The following PRPF18 variants were observed in gnomAD, a reference collection of about 807,000 sequenced individuals.
PRPF18 encodes pre-mRNA processing factor 18.
Under a neutral mutation model 46.5 loss-of-function variants are expected in PRPF18, and 38 were observed. The ratio of observed to expected loss-of-function variants is 0.82; its 90% confidence interval spans 0.63 to 1.07. The LOEUF is 1.07. Among genes scored for constraint, PRPF18 ranks in the 50% least tolerant of loss-of-function variants. The pLI, the probability that PRPF18 is intolerant of heterozygous loss-of-function variation, is 0.00. For synonymous variants in PRPF18, 152 were observed against 146.7 expected (o/e 1.04, Z -0.26); for missense variants, 263 against 410.0 (o/e 0.64, Z 3.10).
At chr10:13,646,322 TTTTA>T in the PRPF18 span, 12 of 152,604 alleles carry the variant, frequency 7.9e-5, no homozygotes, top group African/African-American at 2.2e-4. Context: ...TTTTTTATGT[TTTTA>T]TTTATTTTTA....
At chr10:13,654,896 C>T in the PRPF18 span, 2,229 of 214,148 alleles carry the variant, frequency 0.01, 21 homozygotes, top group Non-Finnish European at 0.016. Context: ...GAGCAGGGCT[C>T]ATACAGGGAG....
chr10:13,617,150 T>C (rs555010656), intron 9 of PRPF18, among the ~76,000 whole-genome samples: 3 of 152,222 alleles, frequency 2.0e-5, no homozygotes, highest in African/African-American at 4.8e-5. Flanking sequence ...TCGACTATAA[T>C]GTAGTGTTTG....
At chr10:13,654,374 C>T in the PRPF18 span, 1 of 1,243,878 alleles carries the variant, frequency 8.0e-7, no homozygotes, top group Non-Finnish European at 1.2e-6. Flanking sequence ...CTATGACACT[C>T]TTTCGAGCTG....
intron 1 of PRPF18, among the ~76,000 whole-genome samples, chr10:13,596,296 C>G (rs545158607): frequency 6.6e-6 from 1 of 152,176 alleles, no homozygotes; most frequent in Non-Finnish European, 1.5e-5. Flanking sequence ...AAGGATACTT[C>G]GTAGACGATG....
chr10:13,634,222 CTT>C (rs2134144298), downstream of PRPF18, among the ~76,000 whole-genome samples: 1 of 152,326 alleles, frequency 6.6e-6, no homozygotes, highest in East Asian at 1.9e-4. Flanking sequence ...CTTTATACAA[CTT>C]GCTTAAATGA....
At chr10:13,647,806 A>G in the PRPF18 span, 1 of 150,984 alleles carries the variant, frequency 6.6e-6, no homozygotes, top group African/African-American at 2.4e-5. Context: ...TTAAATCTTA[A>G]GAAGCAATCA....
At chr10:13,602,438 C>T (rs1177565710) in intron 3 of PRPF18, among the ~76,000 whole-genome samples, 1 of 150,562 alleles carries the variant, frequency 6.6e-6, no homozygotes, top group East Asian at 1.9e-4. Context: ...ATATATTTGT[C>T]AGTGTATCAT....
At chr10:13,601,981 A>G (rs993650726) in intron 3 of PRPF18, among the ~76,000 whole-genome samples, 2 of 152,220 alleles carry the variant, frequency 1.3e-5, no homozygotes, top group Non-Finnish European at 2.9e-5. Context: ...GTATGAGTTT[A>G]TCAATAGGAT....
intron 3 of PRPF18, among the ~76,000 whole-genome samples, chr10:13,603,003 A>G (rs974430634): frequency 6.6e-6 from 1 of 152,242 alleles, no homozygotes; most frequent in Non-Finnish European, 1.5e-5. Context: ...AAGTGCTGGG[A>G]TTACCGGCGA....
chr10:13,622,056 A>G (rs1379221706), intron 9 of PRPF18, among the ~76,000 whole-genome samples: 1 of 152,244 alleles, frequency 6.6e-6, no homozygotes, highest in East Asian at 1.9e-4. Flanking sequence ...ACACAGTATC[A>G]TAGCTGTTGG....
At chr10:13,604,180 A>C (rs1419999502) in intron 3 of PRPF18, among the ~76,000 whole-genome samples, 1 of 152,126 alleles carries the variant, frequency 6.6e-6, no homozygotes, top group Non-Finnish European at 1.5e-5. Context: ...TGACCTCTTA[A>C]ATTTCTGTTT....
At chr10:13,625,509 T>G (rs1438219820) in intron 9 of PRPF18, among the ~76,000 whole-genome samples, 4 of 151,736 alleles carry the variant, frequency 2.6e-5, no homozygotes, top group African/African-American at 7.3e-5. Context: ...AAAATAAGAG[T>G]CAATCTATAA....
chr10:13,616,461 G>A lies in PRPF18; in HGVS notation c.856G>A (p.Val286Ile). 6.2e-7 allele frequency: 1 copy of A among 1,613,562 alleles called. No homozygotes were observed. The highest frequency in any genetic ancestry group is 8.5e-7 in the Non-Finnish European group (1 of 1,179,488). ...NAPWPIGVTM[V>I]GIHARTGREK... is the part of the protein sequence containing the mutation. The stretch of plus-strand genomic sequence containing the variant: ...GCCTTGGCCCATCGGTGTCACTATG[G>A]TTGGTATCCATGCCAGAACTGGCAG... The change falls in exon 9 of 10, where the codon GTT becomes ATT. Residue 286 changes from valine (V) to isoleucine (I), a missense_variant. By Grantham distance (29) the Val-to-Ile change is conservative. Around this residue, in one of 4 missense-constraint regions of PRPF18, gnomAD observed 17 missense variants for 74.2 expected, o/e 0.23. Transcript: ENST00000378572.
At chr10:13,621,694 A>G (rs1051650369) in intron 9 of PRPF18, among the ~76,000 whole-genome samples, 1 of 152,206 alleles carries the variant, frequency 6.6e-6, no homozygotes, top group Admixed American at 6.5e-5. Flanking sequence ...GCACTGTGTT[A>G]CAGATTCCTT....
chr10:13,591,012 C>T (rs2079953513), intron 1 of PRPF18, among the ~76,000 whole-genome samples: 1 of 152,184 alleles, frequency 6.6e-6, no homozygotes, highest in African/African-American at 2.4e-5. Flanking sequence ...TTAATTAGTG[C>T]ACAAGGCAAT....
At chr10:13,650,698 G>GCAATATTGTCCTAACTTACTTTT in the PRPF18 span, among the ~76,000 whole-genome samples, 2 of 152,218 alleles carry the variant, frequency 1.3e-5, no homozygotes, top group East Asian at 3.9e-4. Flanking sequence ...TGTCAACTTT[G>GCAATATTGTCCTAACTTACTTTT]CAATATTGTC....
rs893173836 is a variant in PRPF18 at position 13,611,641 on chromosome 10, C to T, written c.537C>T (p.Gly179=). The change falls in exon 6 of 10, where the codon GGC becomes GGT. Residue 179 remains glycine (G), a synonymous_variant. Coordinates refer to ENST00000378572, the MANE Select transcript of PRPF18 (RefSeq NM_003675.4). ...CGCTTGGAGAGTCCTTAGGGAAAGG[C>T]GATGATCATAAAGACATGGACATCA... ...LEALGESLGK[G]DDHKDMDIIT... The T allele has an allele frequency of 3.7e-6, 6 of 1,613,726 alleles. No individual in the cohort carries two copies. The highest frequency in any genetic ancestry group is 5.1e-6 in the Non-Finnish European group (6 of 1,179,880).
At chr10:13,642,033 G>T in the PRPF18 span, 1 of 102,998 alleles carries the variant, frequency 9.7e-6, no homozygotes, top group Non-Finnish European at 2.2e-5. Flanking sequence ...TGCAGTGCAG[G>T]TTCTTCAGCT....
chr10:13,625,316 AAAAC>A (rs1297787227), intron 9 of PRPF18, among the ~76,000 whole-genome samples: 1 of 152,204 alleles, frequency 6.6e-6, no homozygotes, highest in Non-Finnish European at 1.5e-5. Flanking sequence ...GTCTGAAAAC[AAAAC>A]AAACAAAAAA....
Sources: gnomAD v4.1 joint callset for allele counts (sites outside exome capture counted in the v4.1 genomes callset) on GRCh38, gnomAD v4.1.1 for gene constraint, gnomAD v4.1.1 regional missense constraint, MANE v1.5 for transcripts, NCBI Gene and HGNC (gene_info 2026-07-23, HGNC 2026-07-21) for gene names.